TRDN: variants seen among roughly 807,000 people sequenced by gnomAD.
TRDN encodes triadin, also known as triadin in skeletal muscle.
A neutral mutation model predicts 149.7 loss-of-function variants in TRDN; 161 were observed. The observed-to-expected ratio is 1.08, with a 90% CI of 0.95 to 1.23. TRDN has a LOEUF of 1.23. Ranked by LOEUF, TRDN falls within the 50% of genes most tolerant of loss-of-function variation. The probability of loss-of-function intolerance (pLI) is 0.00; values close to 1 mark genes in which losing one functional copy is unlikely to be tolerated. For missense variants in TRDN, 896 were observed against 823.5 expected, an observed-to-expected ratio of 1.09 and a Z score of -1.08; for synonymous variants, 294 against 250.5, an observed-to-expected ratio of 1.17 and a Z score of -1.64.
intron 10 of TRDN, among the ~76,000 whole-genome samples, chr6:123,447,477 TG>T (rs1775456169): frequency 6.6e-6 from 1 of 152,050 alleles, no homozygotes; most frequent in African/African-American, 2.4e-5. Context: ...AAGCTACTCC[TG>T]GGGGTTGTAA....
At chr6:123,616,553 T>C (rs1479520003) in intron 1 of TRDN, among the ~76,000 whole-genome samples, 1 of 152,204 alleles carries the variant, frequency 6.6e-6, no homozygotes, top group Non-Finnish European at 1.5e-5. Flanking sequence ...ATTTATACTG[T>C]GTAAATGCTG....
At chr6:123,224,307 G>A (rs1775273944) in intron 38 of TRDN, among the ~76,000 whole-genome samples, 176 bp from the exon 39 acceptor site, 1 of 151,738 alleles carries the variant, frequency 6.6e-6, no homozygotes, top group African/African-American at 2.4e-5. Context: ...CTGACTTGGA[G>A]AGAGGATGTG....
intron 10 of TRDN, among the ~76,000 whole-genome samples, chr6:123,454,579 G>A (rs569929175): frequency 2.0e-5 from 3 of 152,194 alleles, no homozygotes; most frequent in Admixed American, 6.5e-5. Flanking sequence ...CAGGTCATAT[G>A]AGTCAGGGTC....
chr6:123,329,794 T>A (rs1464142126), intron 23 of TRDN, among the ~76,000 whole-genome samples: 1 of 152,124 alleles, frequency 6.6e-6, no homozygotes, highest in African/African-American at 2.4e-5. Flanking sequence ...ATTTAAGGGC[T>A]GAATTTCTAA....
chr6:123,464,797 A>C (rs1776689495), intron 10 of TRDN, 109 bp downstream of exon 10: 2 of 1,498,384 alleles, frequency 1.3e-6, no homozygotes, highest in Admixed American at 4.8e-5. Context: ...AAAGTATTTA[A>C]GAAAATATTG....
chr6:123,338,265 G>A (rs1048253820), intron 21 of TRDN, among the ~76,000 whole-genome samples: 4 of 152,104 alleles, frequency 2.6e-5, no homozygotes, highest in African/African-American at 9.6e-5. Context: ...ACATGAAATG[G>A]AAAGAAAGAC....
chr6:123,443,875 C>G (rs1204954542), intron 10 of TRDN, among the ~76,000 whole-genome samples: 1 of 151,040 alleles, frequency 6.6e-6, no homozygotes, highest in African/African-American at 2.5e-5. Flanking sequence ...TTCTATTGAT[C>G]TATATCTCTG....
At chr6:123,320,211 AATC>A (rs66524567) in intron 23 of TRDN, among the ~76,000 whole-genome samples, 27,228 of 151,450 alleles carry the variant, frequency 0.18, 3,412 homozygotes, top group East Asian at 0.63. Flanking sequence ...ATAAAATAAT[AATC>A]ATTATTATTA....
chr6:123,366,560 C>T (rs1781107549), intron 19 of TRDN, among the ~76,000 whole-genome samples: 1 of 151,956 alleles, frequency 6.6e-6, no homozygotes, highest in Non-Finnish European at 1.5e-5. Flanking sequence ...TCTTGTTGCC[C>T]AGGCTGGAAT....
At chr6:123,615,038 G>C (rs1419636426) in intron 1 of TRDN, among the ~76,000 whole-genome samples, 1 of 151,966 alleles carries the variant, frequency 6.6e-6, no homozygotes, top group Non-Finnish European at 1.5e-5. Context: ...ATGGCCAACA[G>C]GTGTATGAAA....
chr6:123,523,285 T>C (rs930428217), intron 5 of TRDN, among the ~76,000 whole-genome samples: 13 of 151,984 alleles, frequency 8.6e-5, no homozygotes, highest in Admixed American at 5.2e-4. Context: ...ACAATGCCTG[T>C]TCAGGGACTA....
chr6:123,276,392 G>A (rs188488186), intron 26 of TRDN, among the ~76,000 whole-genome samples: 1 of 152,126 alleles, frequency 6.6e-6, no homozygotes. Context: ...GAAATAGTAA[G>A]TGAATACTTA....
intron 31 of TRDN, among the ~76,000 whole-genome samples, chr6:123,267,982 T>C (rs1318381704): frequency 6.6e-6 from 1 of 152,084 alleles, no homozygotes; most frequent in Non-Finnish European, 1.5e-5. Flanking sequence ...TGAAAGACAG[T>C]ATTAGGGTTT....
Position 123,521,978 on chromosome 6 carries a change from A to G in TRDN, c.485-5772T>C, listed in dbSNP as rs567479238. 5.6e-4 allele frequency among the ~76,000 whole-genome samples: 85 copies of G among 152,308 alleles called. No individual in the cohort carries two copies. In the South Asian group the frequency reaches 0.017, roughly 31 times the overall value. ...CCCAGTATGGTGTTTGGCACAAAGT[A>G]GGTACTGTGAATAAGTGAATGTGTA... On this transcript the variant is annotated intron_variant, in intron 5 of 40. Coordinates refer to ENST00000334268, the MANE Select transcript of TRDN (RefSeq NM_006073.4).
intron 21 of TRDN, among the ~76,000 whole-genome samples, chr6:123,340,753 T>C (rs1780036965): frequency 6.6e-6 from 1 of 151,936 alleles, no homozygotes; most frequent in Non-Finnish European, 1.5e-5. Context: ...GAAAGAATAA[T>C]TGTAAAGAAC....
chr6:123,295,325 G>A (rs1186590968), intron 24 of TRDN, among the ~76,000 whole-genome samples: 1 of 152,150 alleles, frequency 6.6e-6, no homozygotes, highest in Non-Finnish European at 1.5e-5. Context: ...CTTTGCCTAT[G>A]GACTAGCGCT....
chr6:123,224,028 AGAC>A, intron 39 of TRDN, 62 bp downstream of exon 39: 2 of 1,420,440 alleles, frequency 1.4e-6, no homozygotes, highest in Non-Finnish European at 1.9e-6. Context: ...AAAAAAAAAA[AGAC>A]AGACAAAAAC....
chr6:123,535,830 T>C (rs1312619035), intron 4 of TRDN, among the ~76,000 whole-genome samples: 1 of 152,172 alleles, frequency 6.6e-6, no homozygotes, highest in East Asian at 1.9e-4. Flanking sequence ...ATGAAAGATG[T>C]TATAAATCTA....
At chr6:123,553,552 T>C (rs1331327694) in intron 2 of TRDN, among the ~76,000 whole-genome samples, 1 of 152,164 alleles carries the variant, frequency 6.6e-6, no homozygotes, top group Non-Finnish European at 1.5e-5. Context: ...GCATGTGTAT[T>C]AGTCCGTTTC....
Sources: allele counts gnomAD v4.1 joint callset (sites outside exome capture counted in the v4.1 genomes callset), GRCh38; gene constraint gnomAD v4.1.1; transcripts MANE v1.5; gene names NCBI Gene and HGNC (gene_info 2026-07-23, HGNC 2026-07-21).